INO80: variants seen among roughly 807,000 people sequenced by gnomAD.
INO80 encodes INO80 complex ATPase subunit, also known as chromatin-remodeling ATPase INO80.
A neutral mutation model predicts 203.4 loss-of-function variants in INO80; 20 were observed. The observed-to-expected ratio is 0.10, with a 90% confidence interval of 0.07 to 0.14. The LOEUF is 0.14. Ranked by LOEUF, INO80 falls within the 10% of genes least tolerant of loss-of-function variation. INO80 has a pLI of 1.00. For synonymous variants in INO80, 726 were observed against 685.2 expected (o/e 1.06, Z -0.93); for missense variants, 1,419 against 1,914.4 (o/e 0.74, Z 4.83).
In INO80 at chr15:41,092,080, G is replaced by T; in HGVS notation, c.484C>A (p.Arg162=). The T allele has an allele frequency of 2.5e-6, 4 of 1,611,506 alleles. 1 individual carries two copies. The highest frequency in any genetic ancestry group is 3.4e-6 in the Non-Finnish European group (4 of 1,178,002). ...TGAAGTTTCTTATATTTGTGTAGTC[G>T]AAGCATGTTGTGAAGTTCTTCTCTG... ...LSREELHNML[R]LHKYKKLHQN... Residue 162 remains arginine (R), a synonymous_variant, in exon 5 of 36, where the codon CGA becomes AGA. Transcript: ENST00000648947.
At chr15:41,006,045 CT>C in intron 27 of INO80, among the ~76,000 whole-genome samples, 1 of 150,684 alleles carries the variant, frequency 6.6e-6, no homozygotes, top group African/African-American at 2.4e-5. Context: ...AAAATACCTA[CT>C]TTTTTTGTCA....
chr15:41,072,491 C>T lies in INO80; in HGVS notation c.1396-433G>A, dbSNP rs1322001615. Among the ~76,000 whole-genome samples the T allele has an allele frequency of 5.3e-5, 8 of 151,572 alleles. No homozygotes were observed. In the East Asian group the frequency reaches 7.8e-4, roughly 15 times the overall value. ...ATCCCAGCACTTTGGGAGGCCAAGGCGGGCGGATCACGAGGTCAGGAGATC... is the reference window on the plus strand; with the variant it reads ...ATCCCAGCACTTTGGGAGGCCAAGGTGGGCGGATCACGAGGTCAGGAGATC... On this transcript the variant is annotated intron_variant, in intron 11 of 35. Coordinates refer to ENST00000648947, the MANE Select transcript of INO80 (RefSeq NM_017553.3).
rs571366538 is a variant in INO80, at chr15:40,979,970, T to C, written c.*253A>G. 10 of 537,562 alleles carry C rather than the reference T, an allele frequency of 1.9e-5. No homozygotes were observed. The highest frequency in any genetic ancestry group is 8.2e-5 in the South Asian group (4 of 48,588). 33.3% of individuals were successfully genotyped at this position (537,562 alleles called of 1,614,324 possible). The stretch of plus-strand genomic sequence containing the variant: ...CCGTGAGAGGTTTAAGACTTGGCTA[T>C]ACAGTTCACTTGAGATGCAGTGGGG... On this transcript the variant is annotated 3_prime_UTR_variant, in exon 36 of 36. Coordinates refer to ENST00000648947, the MANE Select transcript of INO80 (RefSeq NM_017553.3).
At chr15:40,986,929 G>C (rs569302386) in intron 31 of INO80, among the ~76,000 whole-genome samples, 162 bp downstream of exon 31, 1 of 152,286 alleles carries the variant, frequency 6.6e-6, no homozygotes, top group Admixed American at 6.5e-5. Flanking sequence ...CACCATGCCT[G>C]GCCTACAAAC....
intron 28 of INO80, 76 bp from the exon 29 acceptor site, chr15:40,997,677 T>C (rs749334759): frequency 8.8e-6 from 8 of 913,852 alleles, no homozygotes; most frequent in African/African-American, 6.5e-5. Flanking sequence ...GAGAGATCTC[T>C]GAATACAGAA....
intron 24 of INO80, among the ~76,000 whole-genome samples, chr15:41,044,384 T>C (rs547499817): frequency 1.3e-5 from 2 of 152,354 alleles, no homozygotes; most frequent in South Asian, 2.1e-4. Flanking sequence ...AAGAATGCTA[T>C]ATATGACATG....
At chr15:41,028,850 G>A (rs185729067) in intron 24 of INO80, among the ~76,000 whole-genome samples, 5 of 151,318 alleles carry the variant, frequency 3.3e-5, no homozygotes, top group East Asian at 1.9e-4. Flanking sequence ...GTGAAATTCC[G>A]TCCCAAAAAA....
intron 14 of INO80, 178 bp downstream of exon 14, chr15:41,069,392 G>A (rs547815434): frequency 4.4e-5 from 20 of 457,748 alleles, no homozygotes; most frequent in Non-Finnish European, 6.9e-5. Context: ...GGATGATCTC[G>A]ACTTCCTGAC....
intron 1 of INO80, among the ~76,000 whole-genome samples, chr15:41,098,977 G>A (rs566701033): frequency 1.3e-5 from 2 of 152,022 alleles, no homozygotes; most frequent in African/African-American, 4.8e-5. Context: ...TAGACACAGT[G>A]GCTCTCACCT....
At chr15:41,012,866 A>G (rs1328087560) in intron 27 of INO80, among the ~76,000 whole-genome samples, 1 of 152,240 alleles carries the variant, frequency 6.6e-6, no homozygotes, top group Non-Finnish European at 1.5e-5. Flanking sequence ...AAGATCTGAT[A>G]TATACACAAG....
At chr15:40,989,276 G>T (rs1313459470) in intron 29 of INO80, among the ~76,000 whole-genome samples, 1 of 152,194 alleles carries the variant, frequency 6.6e-6, no homozygotes, top group African/African-American at 2.4e-5. Flanking sequence ...TGAATTCCCA[G>T]GATGGAATGT....
chr15:41,082,452 G>A (rs1049392507), intron 7 of INO80, among the ~76,000 whole-genome samples: 2 of 152,054 alleles, frequency 1.3e-5, no homozygotes, highest in African/African-American at 4.8e-5. Flanking sequence ...TGTAATCCCA[G>A]CACTTTGGGA....
In INO80 at chr15:41,074,422, T is replaced by C. The variant is rs1233284364; in HGVS notation, c.1275A>G (p.Arg425=). ...LRKLEDSSTQ[R]QIDIGGGVVV... ...CCACTCCTCCACCTATATCGATTTG[T>C]CTCTGGGTAGAACTGTCTTCCAGTT... The change falls in exon 10 of 36, where the codon AGA becomes AGG. Residue 425 remains arginine (R), a synonymous_variant. Transcript: ENST00000648947. 2 of 1,614,062 alleles carry C rather than the reference T, an allele frequency of 1.2e-6. No homozygotes were observed. The highest frequency in any genetic ancestry group is 1.7e-6 in the Non-Finnish European group (2 of 1,179,956).
At chr15:41,029,138 T>C (rs563171268) in intron 24 of INO80, among the ~76,000 whole-genome samples, 3 of 152,384 alleles carry the variant, frequency 2.0e-5, no homozygotes, top group South Asian at 2.1e-4. Flanking sequence ...AATTTATACA[T>C]TGTTGTAAGG....
chr15:41,021,222 A>C, intron 25 of INO80, 97 bp from the exon 26 acceptor site: 1 of 781,128 alleles, frequency 1.3e-6, no homozygotes, highest in Non-Finnish European at 2.2e-6. Flanking sequence ...TAATGTGGAT[A>C]GTTCTTAGAC....
chr15:41,063,072 C>T (rs1238874136), intron 14 of INO80, among the ~76,000 whole-genome samples: 1 of 152,208 alleles, frequency 6.6e-6, no homozygotes, highest in Non-Finnish European at 1.5e-5. Context: ...CGCAGTGGCT[C>T]ATGCCTGTAA....
At chr15:41,002,046 TTTGC>T (rs1289130603) in intron 28 of INO80, among the ~76,000 whole-genome samples, 1 of 152,204 alleles carries the variant, frequency 6.6e-6, no homozygotes, top group African/African-American at 2.4e-5. Flanking sequence ...AGATTACTTC[TTTGC>T]CATAATCCCA....
intron 7 of INO80, among the ~76,000 whole-genome samples, chr15:41,083,752 T>G (rs1446369165): frequency 2.0e-5 from 3 of 150,294 alleles, no homozygotes; most frequent in African/African-American, 7.4e-5. Context: ...CACTATAACC[T>G]CCATAGTTTA....
intron 23 of INO80, among the ~76,000 whole-genome samples, chr15:41,045,592 A>C (rs2140520046): frequency 6.6e-6 from 1 of 151,698 alleles, no homozygotes; most frequent in East Asian, 1.9e-4. Context: ...AAAAAAAAAA[A>C]AAAAAAAAAA....
Sources: allele counts gnomAD v4.1 joint callset (sites outside exome capture counted in the v4.1 genomes callset), GRCh38; gene constraint gnomAD v4.1.1; transcripts MANE v1.5; gene names NCBI Gene and HGNC (gene_info 2026-07-23, HGNC 2026-07-21).